The following PSMG2 variants were observed in gnomAD, a reference collection of about 807,000 sequenced individuals.
PSMG2 encodes the protein proteasome assembly chaperone 2.
PSMG2 carries 21 observed loss-of-function variants against 31.5 expected under a neutral mutation model. That is an observed-to-expected ratio of 0.67 (90% CI 0.47 to 0.96). The LOEUF (loss-of-function observed/expected upper bound fraction) is 0.96, where lower values mean the gene tolerates loss of function less well. Ranked by LOEUF, PSMG2 falls within the 40% of genes least tolerant of loss-of-function variation. The pLI, the probability that PSMG2 is intolerant of heterozygous loss-of-function variation, is 0.00. For missense variants in PSMG2, 318 were observed against 321.2 expected, an observed-to-expected ratio of 0.99 and a Z score of 0.08; for synonymous variants, 120 against 110.4, an observed-to-expected ratio of 1.09 and a Z score of -0.54.
chr18:12,706,440 T>C (rs2040269118), intron 1 of PSMG2, 110 bp from the exon 2 acceptor site: 1 of 1,151,730 alleles, frequency 8.7e-7, no homozygotes, highest in African/African-American at 1.6e-5. Context: ...TGAGCCAAGA[T>C]CACGCCACTG....
In PSMG2 at chr18:12,719,411, G is replaced by A. The variant is rs140659500; in HGVS notation, c.407+776G>A. Among the ~76,000 whole-genome samples, 535 of 152,032 alleles carry A rather than the reference G, an allele frequency of 3.5e-3. 3 individuals are homozygous for A. The highest frequency in any genetic ancestry group is 0.012 in the African/African-American group (509 of 41,466). ...GCTTTTATTTATTTATTTTTGAGACGGAGTCTTGCCCTGTCACCCAGGCTG... is the reference window on the plus strand; with the variant it reads ...GCTTTTATTTATTTATTTTTGAGACAGAGTCTTGCCCTGTCACCCAGGCTG... On this transcript the variant is annotated intron_variant, in intron 4 of 6. Coordinates refer to ENST00000317615, the MANE Select transcript of PSMG2 (RefSeq NM_020232.5).
At chr18:12,716,948 C>CTTTT (rs56726339) in intron 3 of PSMG2, among the ~76,000 whole-genome samples, 3 of 116,750 alleles carry the variant, frequency 2.6e-5, no homozygotes, top group African/African-American at 9.7e-5. Flanking sequence ...TTTTCTTTTA[C>CTTTT]TTTTTTTTTT....
At chr18:12,671,250 G>A (rs1007246324) in intron 1 of PSMG2, 3 of 152,042 alleles carry the variant, frequency 2.0e-5, no homozygotes, top group African/African-American at 7.2e-5. Flanking sequence ...GGCCCAAAAA[G>A]TAAATTTTAA....
rs530964720 is a variant in PSMG2, at chr18:12,678,166, T to G, written c.-37+19393T>G. ...GCATTTCAATTTCATTACTTGTTACTGACGCGTCAATTGTGGATGCACACA... is the reference window on the plus strand; with the variant it reads ...GCATTTCAATTTCATTACTTGTTACGGACGCGTCAATTGTGGATGCACACA... On this transcript the variant is annotated intron_variant, in intron 1 of 6. Transcript: ENST00000585331. 2.9e-5 allele frequency: 47 copies of G among 1,614,210 alleles called. No homozygotes were observed. The South Asian group carries it at 4.9e-4, about 17-fold the overall frequency.
upstream of PSMG2, chr18:12,698,944 A>T: frequency 2.9e-6 from 4 of 1,375,732 alleles, no homozygotes; most frequent in Non-Finnish European, 4.1e-6. Context: ...ACAAAGATTT[A>T]CTCAATTAAA....
At position 12,667,021 on chromosome 18, in the gene PSMG2, AAAC is replaced by A. The variant is rs753775944; in HGVS notation, c.-37+8258_-37+8260del. 3.9e-4 allele frequency among the ~76,000 whole-genome samples: 59 copies of A among 152,308 alleles called. No homozygotes were observed. The South Asian group carries it at 4.8e-3, about 12-fold the overall frequency. ...TCTGATAAATTAAGATGTATACGGAAAACAACAACAACCAAACAAAAATAAGAT... is the reference window on the plus strand; with the variant it reads ...TCTGATAAATTAAGATGTATACGGAAAACAACAACCAAACAAAAATAAGAT... On this transcript the variant is annotated intron_variant, in intron 1 of 6. Transcript: ENST00000585331.
At chr18:12,664,031 G>A (rs1012179013) in intron 1 of PSMG2, among the ~76,000 whole-genome samples, 1 of 152,226 alleles carries the variant, frequency 6.6e-6, no homozygotes, top group Non-Finnish European at 1.5e-5. Context: ...AGGCATGGTG[G>A]TGCATGCCTG....
intron 1 of PSMG2, chr18:12,678,085 T>A (rs2039208986): frequency 6.4e-7 from 1 of 1,565,052 alleles, no homozygotes; most frequent in African/African-American, 1.4e-5. Flanking sequence ...AGTATGAAAC[T>A]ACAACTATTT....
chr18:12,686,071 TTTA>T, intron 1 of PSMG2: 1 of 476,410 alleles, frequency 2.1e-6, no homozygotes, highest in Non-Finnish European at 3.7e-6. Context: ...TGTACTATTT[TTTA>T]TTATTGTAAT....
upstream of PSMG2, chr18:12,702,583 G>C (rs556387920): frequency 5.2e-5 from 83 of 1,588,160 alleles, no homozygotes; most frequent in African/African-American, 8.1e-4. Flanking sequence ...GCTTCTCCCC[G>C]CCTCAGATGC....
At chr18:12,675,257 G>A (rs1173958169) in intron 1 of PSMG2, among the ~76,000 whole-genome samples, 3 of 152,052 alleles carry the variant, frequency 2.0e-5, no homozygotes, top group African/African-American at 4.8e-5. Context: ...TGAGTTGGGC[G>A]TGGTGGCGGG....
At chr18:12,662,554 T>C (rs2144938490) in intron 1 of PSMG2, among the ~76,000 whole-genome samples, 1 of 152,268 alleles carries the variant, frequency 6.6e-6, no homozygotes, top group Admixed American at 6.5e-5. Flanking sequence ...GGCAGGAGCA[T>C]CATTTGAGCT....
chr18:12,677,136 G>C (rs1416229161), intron 1 of PSMG2, among the ~76,000 whole-genome samples: 1 of 151,946 alleles, frequency 6.6e-6, no homozygotes, highest in Admixed American at 6.6e-5. Context: ...CTTTACAAAG[G>C]AAATCTACAT....
chr18:12,720,816 CAAA>C (rs202033257), intron 5 of PSMG2, 133 bp downstream of exon 5: 2 of 854,504 alleles, frequency 2.3e-6, no homozygotes, highest in Non-Finnish European at 3.4e-6. Context: ...AAAACAACAA[CAAA>C]AAAAACAAAA....
intron 5 of PSMG2, among the ~76,000 whole-genome samples, chr18:12,721,536 T>C (rs987817376): frequency 6.6e-6 from 1 of 152,210 alleles, no homozygotes; most frequent in African/African-American, 2.4e-5. Context: ...CCATAAATAA[T>C]AACTCCCAAC....
At chr18:12,660,519 A>G (rs1005436591) in intron 1 of PSMG2, among the ~76,000 whole-genome samples, 3 of 152,088 alleles carry the variant, frequency 2.0e-5, no homozygotes, top group Non-Finnish European at 2.9e-5. Flanking sequence ...ACAGGGTTTT[A>G]CCATGTTGGC....
chr18:12,699,285 G>T, upstream of PSMG2: 3 of 1,015,472 alleles, frequency 3.0e-6, no homozygotes, highest in South Asian at 3.4e-5. Flanking sequence ...ATAAAAACTT[G>T]ACAGATAAAA....
upstream of PSMG2, chr18:12,699,720 A>G (rs2040085906): frequency 1.6e-6 from 1 of 637,698 alleles, no homozygotes. Context: ...AATTTTAAGT[A>G]TTTTATTTTG....
intron 2 of PSMG2, among the ~76,000 whole-genome samples, chr18:12,710,233 C>T (rs992257682): frequency 2.0e-5 from 3 of 152,136 alleles, no homozygotes; most frequent in South Asian, 2.1e-4. Context: ...TGAGCCACCA[C>T]GCCCGCCCCT....
Sources: gnomAD v4.1 joint callset for allele counts (sites outside exome capture counted in the v4.1 genomes callset) on GRCh38, gnomAD v4.1.1 for gene constraint, MANE v1.5 for transcripts, NCBI Gene and HGNC (gene_info 2026-07-23, HGNC 2026-07-21) for gene names.